Variants in MACF1 observed in about 807,000 individuals in gnomAD.
MACF1 encodes the protein microtubule-actin cross-linking factor 1.
In MACF1, 193 loss-of-function variants were observed where a neutral mutation model predicts 854.8. That is an observed-to-expected ratio of 0.23 (90% CI 0.20 to 0.25). The LOEUF (loss-of-function observed/expected upper bound fraction) is 0.25, where lower values mean the gene tolerates loss of function less well. MACF1 is among the 10% of genes least tolerant of loss of function. MACF1 has a pLI of 1.00. For missense variants in MACF1, 7,722 were observed against 8,929.1 expected, an observed-to-expected ratio of 0.86 and a Z score of 5.45; for synonymous variants, 3,185 against 3,226.7, an observed-to-expected ratio of 0.99 and a Z score of 0.44.
intron 94 of MACF1, 156 bp downstream of exon 94, chr1:39,463,842 C>G: frequency 1.7e-6 from 1 of 597,648 alleles, no homozygotes. Context: ...GTCAGGTACC[C>G]TGTTACATCT....
At chr1:39,213,565 G>A (rs1644541489) in intron 1 of MACF1, among the ~76,000 whole-genome samples, 1 of 152,110 alleles carries the variant, frequency 6.6e-6, no homozygotes, top group Admixed American at 6.5e-5. Flanking sequence ...TCGAACTCCT[G>A]AGCTCAGGCA....
Position 39,368,190 on chromosome 1 carries a change from A to G in MACF1, c.12814A>G (p.Thr4272Ala). The G allele has an allele frequency of 6.2e-7, 1 of 1,614,052 alleles. No individual in the cohort carries two copies. The highest frequency in any genetic ancestry group is 8.5e-7 in the Non-Finnish European group (1 of 1,180,010). Residue 4272 changes from threonine (T) to alanine (A), a missense_variant, in exon 50 of 101, where the codon ACT (threonine) becomes GCT (alanine). Coordinates refer to ENST00000564288, the MANE Select transcript of MACF1 (RefSeq NM_001394062.1). ...EMEDQQENLD[T>A]LEHLVTELSS... ...GGAAGACCAACAGGAGAACCTAGAT[A>G]CTCTTGAGCACCTGGTCACTGAACT...
rs1278692453 is a variant in MACF1 at position 39,335,520 on chromosome 1, A to C, written c.8932A>C (p.Arg2978=). 12 of 1,614,158 alleles carry C rather than the reference A, an allele frequency of 7.4e-6. No individual in the cohort carries two copies. Among genetic ancestry groups the C allele is most frequent in the Non-Finnish European group, 1.0e-5 (12 of 1,180,002 alleles). ...NARVKSKREK[R]EVIVEESIRT... ...TCGGGTGAAAAGTAAGAGAGAGAAGAGGGAGGTGATTGTAGAAGAAAGTAT... is the reference window on the plus strand; with the variant it reads ...TCGGGTGAAAAGTAAGAGAGAGAAGCGGGAGGTGATTGTAGAAGAAAGTAT... Residue 2978 remains arginine (R), a synonymous_variant, in exon 37 of 101, where the codon AGG becomes CGG. Transcript: ENST00000564288.
At chr1:39,426,778 T>TGG (rs202122482) in intron 61 of MACF1, among the ~76,000 whole-genome samples, 2 of 151,334 alleles carry the variant, frequency 1.3e-5, no homozygotes, top group Non-Finnish European at 2.9e-5. Flanking sequence ...GGTTTTTTTT[T>TGG]GGGGGGGGTG....
chr1:39,180,831 T>A (rs1192186683), intron 2 of MACF1, among the ~76,000 whole-genome samples: 1 of 152,178 alleles, frequency 6.6e-6, no homozygotes, highest in East Asian at 1.9e-4. Flanking sequence ...TTCTTAGGTC[T>A]CAGGGTGTTC....
chr1:39,115,952 T>G (rs1642533141), intron 2 of MACF1, among the ~76,000 whole-genome samples: 1 of 152,176 alleles, frequency 6.6e-6, no homozygotes, highest in Non-Finnish European at 1.5e-5. Context: ...CTGGAACATT[T>G]TCAGTGGAGT....
chr1:39,331,111 T>G, intron 36 of MACF1, 92 bp from the exon 37 acceptor site: 1 of 1,431,492 alleles, frequency 7.0e-7, no homozygotes, highest in Non-Finnish European at 9.1e-7. Context: ...TTTGAATGAC[T>G]CCTTTCAATA....
At chr1:39,458,825 TAGTTG>T (rs1176959104) in intron 90 of MACF1, 1 of 492,982 alleles carries the variant, frequency 2.0e-6, no homozygotes, top group Non-Finnish European at 3.5e-6. Context: ...GTTGCTTTTT[TAGTTG>T]AGTTAACGTG....
At position 39,332,952 on chromosome 1, in the gene MACF1, G is replaced by A. The variant is rs1226081950; in HGVS notation, c.6364G>A (p.Val2122Ile). The change falls in exon 37 of 101, where the codon GTC (valine) becomes ATC (isoleucine). Residue 2122 changes from valine (V) to isoleucine (I), a missense_variant. Around this residue, in one of 15 missense-constraint regions of MACF1, gnomAD observed 1,531 missense variants for 1,601.6 expected, o/e 0.96. Transcript: ENST00000564288. The part of the protein sequence containing the change: ...TQREDQTAVS[V>I]RENASRGHLL... ...AAGGGAAGACCAAACAGCAGTGTCT[G>A]TCAGAGAAAATGCCAGCAGGGGACA... The A allele has an allele frequency of 6.2e-7, 1 of 1,614,156 alleles. No individual in the cohort carries two copies. Among genetic ancestry groups the A allele is most frequent in the Non-Finnish European group, 8.5e-7 (1 of 1,180,038 alleles).
chr1:39,211,918 T>C (rs1440948666), intron 1 of MACF1, among the ~76,000 whole-genome samples: 2 of 151,688 alleles, frequency 1.3e-5, no homozygotes, highest in Non-Finnish European at 2.9e-5. Flanking sequence ...TACAGAGGTA[T>C]ATAAAAAGTA....
intron 2 of MACF1, among the ~76,000 whole-genome samples, chr1:39,138,298 G>A (rs952765459): frequency 1.3e-5 from 2 of 151,760 alleles, no homozygotes; most frequent in Non-Finnish European, 2.9e-5. Context: ...AATGGCTGGT[G>A]GTAGGCTGGA....
intron 4 of MACF1, among the ~76,000 whole-genome samples, chr1:39,253,509 A>ATTTTTTTTTTTTTT (rs34578005): frequency 2.2e-5 from 2 of 91,520 alleles, no homozygotes; most frequent in African/African-American, 4.3e-5. Context: ...AGCTATCTGT[A>ATTTTTTTTTTTTTT]TTTTTTTTTT....
At chr1:39,285,515 T>C (rs199549092) in intron 13 of MACF1, 89 bp from the exon 14 acceptor site, 1 of 1,423,130 alleles carries the variant, frequency 7.0e-7, no homozygotes, top group South Asian at 1.3e-5. Context: ...TTTTTTTTTT[T>C]GGAATTGCAG....
chr1:39,456,532 C>T (rs910674707), intron 89 of MACF1, among the ~76,000 whole-genome samples: 2 of 152,202 alleles, frequency 1.3e-5, no homozygotes, highest in Admixed American at 6.5e-5. Context: ...TTCAGCTTAA[C>T]GATGGGTTTG....
At chr1:39,296,011 T>C (rs929129647) in intron 20 of MACF1, 129 bp downstream of exon 20, 1 of 726,908 alleles carries the variant, frequency 1.4e-6, no homozygotes, top group Non-Finnish European at 2.3e-6. Flanking sequence ...CTTAAAACAA[T>C]AGTCATTTAG....
rs760367215 is a variant in MACF1, at chr1:39,452,950, T to C, written c.20742+138T>C. The C allele has an allele frequency of 1.6e-4, 155 of 954,510 alleles. No individual in the cohort carries two copies. The Middle Eastern group carries it at 2.9e-3, about 18-fold the overall frequency. The allele number at this position is 954,510 out of a possible 1,614,324, so 59.1% of individuals were successfully genotyped here. On this transcript the variant is annotated intron_variant, in intron 87 of 100. Transcript: ENST00000564288. ...ACAAAACCAGAGTGGCCCTAGCTCA[T>C]TGGTTTAGCAGGAATGAAAGGGAAG...
intron 63 of MACF1, 40 bp downstream of exon 63, chr1:39,428,327 T>C (rs1557649467): frequency 1.0e-5 from 15 of 1,479,238 alleles, no homozygotes; most frequent in Non-Finnish European, 1.3e-5. Flanking sequence ...GTTATTCTGT[T>C]ATTTTGTTAT....
intron 2 of MACF1, among the ~76,000 whole-genome samples, chr1:39,123,016 A>T (rs898413910): frequency 6.6e-6 from 1 of 152,040 alleles, no homozygotes; most frequent in Non-Finnish European, 1.5e-5. Context: ...AGGACTAATT[A>T]GGAGGTTCCT....
chr1:39,118,177 G>A (rs548590613), intron 2 of MACF1, among the ~76,000 whole-genome samples: 150 of 152,346 alleles, frequency 9.8e-4, no homozygotes, highest in African/African-American at 3.5e-3. Flanking sequence ...TGTAACTTGA[G>A]AAAATTTATT....
Sources: allele counts gnomAD v4.1 joint callset (sites outside exome capture counted in the v4.1 genomes callset), GRCh38; gene constraint gnomAD v4.1.1; regional missense constraint gnomAD v4.1.1; transcripts MANE v1.5; gene names NCBI Gene and HGNC (gene_info 2026-07-23, HGNC 2026-07-21).